CXCL5: variants seen among roughly 807,000 people sequenced by gnomAD.
CXCL5 encodes C-X-C motif chemokine 5.
In CXCL5, 13 loss-of-function variants were observed where a neutral mutation model predicts 12.1. The observed-to-expected ratio is 1.08, with a 90% confidence interval of 0.70 to 1.71. The LOEUF (loss-of-function observed/expected upper bound fraction) is 1.71. Among genes scored for constraint, CXCL5 ranks in the 40% most tolerant of loss-of-function variants. The pLI, the probability that CXCL5 is intolerant of heterozygous loss-of-function variation, is 0.00. For missense variants in CXCL5, 159 were observed against 142.4 expected, an observed-to-expected ratio of 1.12 and a Z score of -0.59; for synonymous variants, 67 against 59.0, an observed-to-expected ratio of 1.14 and a Z score of -0.62.
chr4:73,997,612 T>C lies in CXCL5; in HGVS notation c.*25A>G, dbSNP rs777989099. On this transcript the variant is annotated 3_prime_UTR_variant, in exon 4 of 4. Coordinates refer to ENST00000296027, the MANE Select transcript of CXCL5 (RefSeq NM_002994.5). ...TTCTCTGCTGAAGACTGGGAAACTTTTCCATGCGTGCTCATTTCTCTTAAT... is the reference window on the plus strand; with the variant it reads ...TTCTCTGCTGAAGACTGGGAAACTTCTCCATGCGTGCTCATTTCTCTTAAT... 2.5e-6 allele frequency: 4 copies of C among 1,601,984 alleles called. No homozygotes were observed. In the Admixed American group the frequency reaches 6.8e-5, roughly 27 times the overall value.
rs545229027 is a variant in CXCL5, at chr4:73,997,476, C to T, written c.*161G>A. On this transcript the variant is annotated 3_prime_UTR_variant, in exon 4 of 4. Coordinates refer to ENST00000296027, the MANE Select transcript of CXCL5 (RefSeq NM_002994.5). Reference sequence around the variant, plus strand: ...GGCAAACATAGGTTTTCCTCACACTCTTCAAAGTGAGGAATCCAGGAAGAA... The same window carrying T: ...GGCAAACATAGGTTTTCCTCACACTTTTCAAAGTGAGGAATCCAGGAAGAA... The T allele has an allele frequency of 1.6e-5, 10 of 642,252 alleles. No homozygotes were observed. Among genetic ancestry groups the T allele is most frequent in the Middle Eastern group, 2.6e-4 (1 of 3,854 alleles). 39.8% of individuals were successfully genotyped at this position (642,252 alleles called of 1,614,324 possible). A position where few individuals can be genotyped will look rare whatever the true frequency, so the allele number is the denominator to read the frequency against.
chr4:73,998,583 G>C lies in CXCL5; in HGVS notation c.-2C>G. ...CGCGCGGCTGGACAGGAGGCTCATA[G>C]TGGTCAAGAGAGCGCTGCGAGCGGT... On this transcript the variant is annotated 5_prime_UTR_variant, in exon 1 of 4. Transcript: ENST00000296027. 1 of 1,581,628 alleles carries C rather than the reference G, an allele frequency of 6.3e-7. No homozygotes were observed. The highest frequency in any genetic ancestry group is 1.7e-4 in the Middle Eastern group (1 of 6,006).
intron 2 of CXCL5, 51 bp from the exon 3 acceptor site, chr4:73,998,146 C>G (rs1233674744): frequency 6.2e-7 from 1 of 1,613,856 alleles, no homozygotes. Context: ...GGTTGAAGAC[C>G]CAGGCTGCGG....
In CXCL5 at chr4:73,998,586, G is replaced by A; in HGVS notation, c.-5C>T. ...GCGGCTGGACAGGAGGCTCATAGTG[G>A]TCAAGAGAGCGCTGCGAGCGGTCGC... On this transcript the variant is annotated 5_prime_UTR_variant, in exon 1 of 4. Transcript: ENST00000296027. 2 of 1,579,366 alleles carry A rather than the reference G, an allele frequency of 1.3e-6. No homozygotes were observed. The highest frequency in any genetic ancestry group is 8.6e-7 in the Non-Finnish European group (1 of 1,162,570).
In CXCL5 at chr4:73,998,652, G is replaced by A. The variant is rs1560549641; in HGVS notation, c.-71C>T. 2.3e-6 allele frequency: 3 copies of A among 1,327,068 alleles called. No homozygotes were observed. Among genetic ancestry groups the A allele is most frequent in the African/African-American group, 1.5e-5 (1 of 68,552 alleles). The allele number at this position is 1,327,068 out of a possible 1,614,324, so 82.2% of individuals were successfully genotyped here. ...GTGGAGGAGCGGAGATTGGAGGAGC[G>A]AAGATTGGAGGATCCGGAGCACTGT... On this transcript the variant is annotated 5_prime_UTR_variant, in exon 1 of 4. Transcript: ENST00000296027.
rs757203077 is a variant in CXCL5 at position 73,997,588 on chromosome 4, T to A, written c.*49A>T. 2.6e-6 allele frequency: 4 copies of A among 1,523,186 alleles called. No individual in the cohort carries two copies. Among genetic ancestry groups the A allele is most frequent in the Non-Finnish European group, 3.6e-6 (4 of 1,111,194 alleles). The allele number at this position is 1,523,186 out of a possible 1,614,324, so 94.4% of individuals were successfully genotyped here. ...TGGGTTCAGAGACCTCCAGAAAACT[T>A]CTCTGCTGAAGACTGGGAAACTTTT... On this transcript the variant is annotated 3_prime_UTR_variant, in exon 4 of 4. Coordinates refer to ENST00000296027, the MANE Select transcript of CXCL5 (RefSeq NM_002994.5).
At chr4:73,997,726 C>T (rs74505573) in intron 3 of CXCL5, 71 bp from the exon 4 acceptor site, 13,826 of 1,251,060 alleles carry the variant, frequency 0.011, 99 homozygotes, top group Non-Finnish European at 0.013. Context: ...TGTCAAAACT[C>T]AGCGTTTATG....
At position 73,998,250 on chromosome 4, in the gene CXCL5, C is replaced by G; in HGVS notation, c.198G>C (p.Leu66=). 2 of 1,614,158 alleles carry G rather than the reference C, an allele frequency of 1.2e-6. No homozygotes were observed. Among genetic ancestry groups the G allele is most frequent in the Non-Finnish European group, 1.7e-6 (2 of 1,180,020 alleles). ...QGVHPKMISN[L]QVFAIGPQCS... ...ACTGTGGGCCTATGGCGAACACTTG[C>G]AGATTACTGATCATTTTGGGATGAA... The change falls in exon 2 of 4, where the codon CTG becomes CTC. Residue 66 remains leucine (L), a synonymous_variant. Coordinates refer to ENST00000296027, the MANE Select transcript of CXCL5 (RefSeq NM_002994.5).
Position 73,997,591 on chromosome 4 carries a change from C to T in CXCL5, c.*46G>A. The T allele has an allele frequency of 6.5e-7, 1 of 1,543,572 alleles. No homozygotes were observed. Among genetic ancestry groups the T allele is most frequent in the Non-Finnish European group, 8.9e-7 (1 of 1,125,864 alleles). On this transcript the variant is annotated 3_prime_UTR_variant, in exon 4 of 4. Transcript: ENST00000296027. ...GTTCAGAGACCTCCAGAAAACTTCTCTGCTGAAGACTGGGAAACTTTTCCA... is the reference window on the plus strand; with the variant it reads ...GTTCAGAGACCTCCAGAAAACTTCTTTGCTGAAGACTGGGAAACTTTTCCA...
chr4:73,997,848 G>T (rs539603227), intron 3 of CXCL5, among the ~76,000 whole-genome samples, 164 bp downstream of exon 3: 2 of 152,276 alleles, frequency 1.3e-5, no homozygotes, highest in Admixed American at 6.5e-5. Context: ...TGTAAGATTG[G>T]TATATTTTCC....
At position 73,997,447 on chromosome 4, in the gene CXCL5, A is replaced by T; in HGVS notation, c.*190T>A. ...ACTTCATTAGCTGAGCTGAAAGCTT[A>T]AGCGGCAAACATAGGTTTTCCTCAC... On this transcript the variant is annotated 3_prime_UTR_variant, in exon 4 of 4. Coordinates refer to ENST00000296027, the MANE Select transcript of CXCL5 (RefSeq NM_002994.5). 1 of 576,770 alleles carries T rather than the reference A, an allele frequency of 1.7e-6. No homozygotes were observed. 35.7% of individuals were successfully genotyped at this position (576,770 alleles called of 1,614,324 possible).
At position 73,996,222 on chromosome 4, in the gene CXCL5, C is replaced by T. The variant is rs1350190707; in HGVS notation, c.*1415G>A. 1 of 152,600 alleles carries T rather than the reference C, an allele frequency of 6.6e-6. No individual in the cohort carries two copies. The highest frequency in any genetic ancestry group is 1.5e-5 in the Non-Finnish European group (1 of 68,032). 9.5% of individuals were successfully genotyped at this position (152,600 alleles called of 1,614,324 possible). On this transcript the variant is annotated 3_prime_UTR_variant, in exon 4 of 4. Coordinates refer to ENST00000296027, the MANE Select transcript of CXCL5 (RefSeq NM_002994.5). ...GGATATTAAGACAACACTGACTAACCGGTTTCATTACCGCATCTTCCCCCA... is the reference window on the plus strand; with the variant it reads ...GGATATTAAGACAACACTGACTAACTGGTTTCATTACCGCATCTTCCCCCA...
chr4:73,998,574 A>C lies in CXCL5; in HGVS notation c.8T>G (p.Leu3Arg). 2 of 1,586,204 alleles carry C rather than the reference A, an allele frequency of 1.3e-6. No homozygotes were observed. The highest frequency in any genetic ancestry group is 1.7e-6 in the Non-Finnish European group (2 of 1,166,198). Residue 3 changes from leucine to arginine, a missense_variant, in exon 1 of 4, where the codon CTC becomes CGC. Coordinates refer to ENST00000296027, the MANE Select transcript of CXCL5 (RefSeq NM_002994.5). The stretch of plus-strand genomic sequence containing the variant: ...GACACGGGCCGCGCGGCTGGACAGG[A>C]GGCTCATAGTGGTCAAGAGAGCGCT... MS[L>R]LSSRAARVPG... is the part of the protein sequence containing the mutation.
chr4:73,997,709 C>T, intron 3 of CXCL5, 54 bp from the exon 4 acceptor site: 1 of 1,386,990 alleles, frequency 7.2e-7, no homozygotes, highest in Non-Finnish European at 1.0e-6. Flanking sequence ...CCTTTCTACT[C>T]CACCCTTGTC....
rs187037766 is a variant in CXCL5, at chr4:73,996,967, T to C, written c.*670A>G. ...TTTGCCATACTAAAAAGATAAAGAA[T>C]GTCTAAAATTATAGGAAGATAAGAT... is the stretch of plus-strand genomic sequence containing the variant. On this transcript the variant is annotated 3_prime_UTR_variant, in exon 4 of 4. Coordinates refer to ENST00000296027, the MANE Select transcript of CXCL5 (RefSeq NM_002994.5). 3.9e-5 allele frequency: 6 copies of C among 152,284 alleles called. No individual in the cohort carries two copies. The East Asian group carries it at 1.2e-3, about 29-fold the overall frequency. 9.4% of individuals were successfully genotyped at this position (152,284 alleles called of 1,614,324 possible). A position where few individuals can be genotyped will look rare whatever the true frequency, so the allele number is the denominator to read the frequency against.
rs762829954 is a variant in CXCL5 at position 73,998,487 on chromosome 4, C to A, written c.95G>T (p.Gly32Val). The A allele has an allele frequency of 3.1e-5, 49 of 1,601,750 alleles. No individual in the cohort carries two copies. The highest frequency in any genetic ancestry group is 4.0e-5 in the Non-Finnish European group (47 of 1,173,796). The change falls in exon 1 of 4, where the codon GGG becomes GTG. Residue 32 changes from glycine (G) to valine (V), a missense_variant. Physicochemically the swap from Gly to Val is moderately radical, Grantham distance 109. Coordinates refer to ENST00000296027, the MANE Select transcript of CXCL5 (RefSeq NM_002994.5). ...TGCGCTCTCACCGCTGGCGATGGGCCCTGGCTGCGTCAGCAGCAGCAGCAG... is the reference window on the plus strand; with the variant it reads ...TGCGCTCTCACCGCTGGCGATGGGCACTGGCTGCGTCAGCAGCAGCAGCAG... Reference protein sequence around the residue: ...LVLLLLLTQPGPIASAGPAAA... With the variant: ...LVLLLLLTQPVPIASAGPAAA...
intron 1 of CXCL5, 53 bp from the exon 2 acceptor site, chr4:73,998,391 C>T (rs1199077308): frequency 1.2e-6 from 2 of 1,609,852 alleles, no homozygotes; most frequent in Non-Finnish European, 1.7e-6. Flanking sequence ...GGAGAGTTCC[C>T]TGGAACGCAG....
Position 73,995,840 on chromosome 4 carries a change from A to G in CXCL5, c.*1797T>C, listed in dbSNP as rs1719179574. Reference sequence around the variant, plus strand: ...CAGCAATGCTAAATATATAATATATATTATATATAAATATATAATATATAA... The same window carrying G: ...CAGCAATGCTAAATATATAATATATGTTATATATAAATATATAATATATAA... On this transcript the variant is annotated 3_prime_UTR_variant, in exon 4 of 4. Transcript: ENST00000296027. 1 of 148,192 alleles carries G rather than the reference A, an allele frequency of 6.7e-6. No homozygotes were observed. The highest frequency in any genetic ancestry group is 1.5e-5 in the Non-Finnish European group (1 of 67,180). The allele number at this position is 148,192 out of a possible 1,614,324, so 9.2% of individuals were successfully genotyped here. A position where few individuals can be genotyped will look rare whatever the true frequency, so the allele number is the denominator to read the frequency against.
chr4:73,998,358 A>G lies in CXCL5; in HGVS notation c.110-20T>C, dbSNP rs904790507. On this transcript the variant is annotated intron_variant, in intron 1 of 3. Transcript: ENST00000296027. Reference sequence around the variant, plus strand: ...GACCAGCTGGGGAAGAAAGAGAGACACCCTTTATAGGGCAGGTTGCTGGGA... The same window carrying G: ...GACCAGCTGGGGAAGAAAGAGAGACGCCCTTTATAGGGCAGGTTGCTGGGA... The G allele has an allele frequency of 6.2e-7, 1 of 1,613,660 alleles. No individual in the cohort carries two copies. Among genetic ancestry groups the G allele is most frequent in the East Asian group, 2.2e-5 (1 of 44,870 alleles).
Sources: allele counts gnomAD v4.1 joint callset (sites outside exome capture counted in the v4.1 genomes callset), GRCh38; gene constraint gnomAD v4.1.1; transcripts MANE v1.5; gene names NCBI Gene and HGNC (gene_info 2026-07-23, HGNC 2026-07-21).